The following SYNDIG1L variants were observed in gnomAD, a reference collection of about 807,000 sequenced individuals.
SYNDIG1L encodes the protein synapse differentiation-inducing gene protein 1-like.
A neutral mutation model predicts 20.1 loss-of-function variants in SYNDIG1L; 13 were observed. The observed-to-expected ratio is 0.65, with a 90% CI of 0.42 to 1.03. SYNDIG1L has a LOEUF of 1.03. Ranked by LOEUF, SYNDIG1L falls within the 50% of genes least tolerant of loss-of-function variation. The pLI is 0.00. For missense variants in SYNDIG1L, 294 were observed against 305.1 expected (o/e 0.96, Z 0.27); for synonymous variants, 128 against 129.3 (o/e 0.99, Z 0.07).
In SYNDIG1L at chr14:74,411,530, G is replaced by A. The variant is rs10144851; in HGVS notation, c.-57-1729C>T. On this transcript the variant is annotated intron_variant, in intron 1 of 3. Coordinates refer to ENST00000331628, the MANE Select transcript of SYNDIG1L (RefSeq NM_001105579.2). ...ATCCACAGCCAAATCCTGGAAAAGA[G>A]CAGTTTCTTCTTCTGCCCCAAGAGA... is the stretch of plus-strand genomic sequence containing the variant. Among the ~76,000 whole-genome samples, 1,362 of 152,340 alleles carry A rather than the reference G, an allele frequency of 8.9e-3. 27 individuals carry two copies. Among genetic ancestry groups the A allele is most frequent in the African/African-American group, 0.031 (1,308 of 41,566 alleles).
the SYNDIG1L span, among the ~76,000 whole-genome samples, chr14:74,462,495 A>AG: frequency 7.9e-5 from 12 of 152,096 alleles, no homozygotes; most frequent in African/African-American, 2.9e-4. Flanking sequence ...AAAGAAAAAA[A>AG]AAAGTAGGCT....
intron 1 of SYNDIG1L, among the ~76,000 whole-genome samples, chr14:74,422,205 G>A (rs2086227692): frequency 6.6e-6 from 1 of 152,132 alleles, no homozygotes; most frequent in Non-Finnish European, 1.5e-5. Context: ...TCCCTGCTTG[G>A]TTTGCTTGCT....
the SYNDIG1L span, among the ~76,000 whole-genome samples, chr14:74,435,972 G>T: frequency 6.6e-6 from 1 of 152,156 alleles, no homozygotes; most frequent in Admixed American, 6.5e-5. Flanking sequence ...CTTGGCTACA[G>T]TTCTGATAGT....
chr14:74,440,317 C>T, the SYNDIG1L span, among the ~76,000 whole-genome samples: 2 of 152,050 alleles, frequency 1.3e-5, no homozygotes, highest in African/African-American at 4.8e-5. Context: ...AGACCGAGAC[C>T]ATCCTGGCTA....
chr14:74,447,986 G>A, the SYNDIG1L span, among the ~76,000 whole-genome samples: 3 of 151,980 alleles, frequency 2.0e-5, no homozygotes, highest in African/African-American at 4.8e-5. Context: ...CCCTAAGTAA[G>A]TCCTAAAGTA....
At chr14:74,474,395 ACT>A in the SYNDIG1L span, 1 of 152,206 alleles carries the variant, frequency 6.6e-6, no homozygotes, top group South Asian at 2.1e-4. Context: ...GCCTTGGCAA[ACT>A]CTGGTGGGAA....
the SYNDIG1L span, among the ~76,000 whole-genome samples, chr14:74,475,508 C>A: frequency 6.7e-6 from 1 of 150,304 alleles, no homozygotes; most frequent in African/African-American, 2.5e-5. Flanking sequence ...GAAAACCTCC[C>A]CACAGATTCT....
At chr14:74,469,519 T>TA in the SYNDIG1L span, among the ~76,000 whole-genome samples, 34,297 of 148,652 alleles carry the variant, frequency 0.23, 4,287 homozygotes, top group African/African-American at 0.33. Flanking sequence ...TAAAGTATAA[T>TA]AAAAAAAAAA....
At chr14:74,477,241 T>C in the SYNDIG1L span, among the ~76,000 whole-genome samples, 1 of 151,190 alleles carries the variant, frequency 6.6e-6, no homozygotes, top group Non-Finnish European at 1.5e-5. Flanking sequence ...TTGTTTAACG[T>C]GACTTTCACC....
At chr14:74,456,423 A>G in the SYNDIG1L span, among the ~76,000 whole-genome samples, 1 of 152,046 alleles carries the variant, frequency 6.6e-6, no homozygotes, top group Admixed American at 6.6e-5. Flanking sequence ...CCAGCTATAT[A>G]GGAGGCTGAG....
At chr14:74,473,839 AGGCCTCCTATACCCTC>A in the SYNDIG1L span, among the ~76,000 whole-genome samples, 1 of 152,226 alleles carries the variant, frequency 6.6e-6, no homozygotes, top group South Asian at 2.1e-4. Context: ...ACAGCTGCCT[AGGCCTCCTATACCCTC>A]GGAACTAGAA....
At chr14:74,448,412 T>C in the SYNDIG1L span, among the ~76,000 whole-genome samples, 1 of 152,180 alleles carries the variant, frequency 6.6e-6, no homozygotes, top group African/African-American at 2.4e-5. Flanking sequence ...AGAAGTTTAT[T>C]TTATAATGAT....
At chr14:74,409,068 A>T (rs2086108646) in intron 2 of SYNDIG1L, among the ~76,000 whole-genome samples, 1 of 148,266 alleles carries the variant, frequency 6.7e-6, no homozygotes, top group Non-Finnish European at 1.5e-5. Context: ...TTATTTATTT[A>T]TTTATTTATT....
the SYNDIG1L span, among the ~76,000 whole-genome samples, chr14:74,453,352 CAAAAAAAAAAAAAAAAAAAA>C: frequency 3.4e-4 from 9 of 26,760 alleles, no homozygotes; most frequent in Non-Finnish European, 4.6e-4. Context: ...GACTCTGTCT[CAAAAAAAAAAAAAAAAAAAA>C]AAAAAAAAAA....
chr14:74,425,776 C>G (rs113209267), intron 1 of SYNDIG1L, 136 bp downstream of exon 1: 1 of 152,376 alleles, frequency 6.6e-6, no homozygotes, highest in Non-Finnish European at 1.5e-5. Context: ...AAGTGCAAGC[C>G]TTGGCGGAGC....
At chr14:74,413,712 G>C (rs966928556) in intron 1 of SYNDIG1L, among the ~76,000 whole-genome samples, 31 of 151,996 alleles carry the variant, frequency 2.0e-4, no homozygotes, top group African/African-American at 7.3e-4. Context: ...TCCTTAGGCT[G>C]AGGGGTTCTT....
intron 1 of SYNDIG1L, among the ~76,000 whole-genome samples, chr14:74,410,747 A>G (rs547699111): frequency 1.3e-5 from 2 of 152,122 alleles, no homozygotes; most frequent in African/African-American, 4.8e-5. Context: ...GGCACACGGC[A>G]TGTGCTCACA....
At chr14:74,473,629 T>A in the SYNDIG1L span, among the ~76,000 whole-genome samples, 1 of 152,190 alleles carries the variant, frequency 6.6e-6, no homozygotes, top group Non-Finnish European at 1.5e-5. Context: ...ATTGCAGTGA[T>A]GGTTTGCTGC....
rs188809074 is a variant in SYNDIG1L at position 74,407,300 on chromosome 14, C to T, written c.*235G>A. 5.8e-5 allele frequency: 35 copies of T among 602,042 alleles called. No individual in the cohort carries two copies. In the East Asian group the frequency reaches 5.9e-4, roughly 10 times the overall value. The allele number at this position is 602,042 out of a possible 1,614,324, so 37.3% of individuals were successfully genotyped here. A position where few individuals can be genotyped will look rare whatever the true frequency, so the allele number is the denominator to read the frequency against. The stretch of plus-strand genomic sequence containing the variant: ...GTGGGCAGCCCTGCCTTCTGTTTCC[C>T]GTCTGTAGCCTGGGTTAGAGAGTGG... On this transcript the variant is annotated 3_prime_UTR_variant, in exon 4 of 4. Transcript: ENST00000331628.
Sources: allele counts gnomAD v4.1 joint callset (sites outside exome capture counted in the v4.1 genomes callset), GRCh38; gene constraint gnomAD v4.1.1; transcripts MANE v1.5; gene names NCBI Gene and HGNC (gene_info 2026-07-23, HGNC 2026-07-21).